ZNF385B: variants seen among roughly 807,000 people sequenced by gnomAD.
The protein encoded by ZNF385B is zinc finger protein 533.
In ZNF385B, 23 loss-of-function variants were observed where a neutral mutation model predicts 39.2. The ratio of observed to expected loss-of-function variants is 0.59; its 90% confidence interval spans 0.42 to 0.83. The LOEUF (loss-of-function observed/expected upper bound fraction) is 0.83, where lower values mean the gene tolerates loss of function less well. Among genes scored for constraint, ZNF385B ranks in the 40% least tolerant of loss-of-function variants. The pLI is 0.00. For missense variants in ZNF385B, 552 were observed against 598.9 expected (o/e 0.92, Z 0.82); for synonymous variants, 205 against 222.6 (o/e 0.92, Z 0.70).
chr2:179,467,509 G>A (rs116476704), intron 6 of ZNF385B, among the ~76,000 whole-genome samples: 3 of 152,272 alleles, frequency 2.0e-5, no homozygotes, highest in African/African-American at 4.8e-5. Flanking sequence ...GAGTAGCCAA[G>A]GACAGACATG....
chr2:179,719,440 G>C (rs146450338), intron 3 of ZNF385B, among the ~76,000 whole-genome samples: 37 of 152,198 alleles, frequency 2.4e-4, no homozygotes, highest in Non-Finnish European at 3.2e-4. Context: ...TTTGTAAGCT[G>C]ACATTTTACA....
Position 179,483,391 on chromosome 2 carries a change from T to A in ZNF385B, c.596A>T (p.Lys199Met), listed in dbSNP as rs751379288. The change falls in exon 6 of 10, where the codon AAG (lysine) becomes ATG (methionine). Residue 199 changes from lysine (K) to methionine (M), a missense_variant. Coordinates refer to ENST00000410066, the MANE Select transcript of ZNF385B (RefSeq NM_152520.6). ...TTTCGTTGCGTCTAGTGCTTTGACC[T>A]TCTTGGCATGTTTACTTCCTTTGTA... ...AHYKGSKHAK[K>M]VKALDATKNK... 4.3e-6 allele frequency: 7 copies of A among 1,614,052 alleles called. No homozygotes were observed. The South Asian group carries it at 6.6e-5, about 15-fold the overall frequency.
chr2:179,825,972 G>C (rs1358901982), intron 1 of ZNF385B, among the ~76,000 whole-genome samples: 3 of 152,056 alleles, frequency 2.0e-5, no homozygotes, highest in Non-Finnish European at 4.4e-5. Context: ...CCCTTCCTCA[G>C]CTCGGCAGCT....
chr2:179,594,521 T>C (rs552157359), intron 3 of ZNF385B, among the ~76,000 whole-genome samples: 11 of 152,336 alleles, frequency 7.2e-5, no homozygotes, highest in Admixed American at 6.5e-4. Flanking sequence ...AATGTTCTGA[T>C]TGTAAGTCAC....
chr2:179,746,507 C>T (rs115527781), intron 3 of ZNF385B, among the ~76,000 whole-genome samples: 1,736 of 152,158 alleles, frequency 0.011, 18 homozygotes, highest in Admixed American at 0.021. Context: ...TAAAAATGTG[C>T]GATGCTATGC....
At chr2:179,694,312 T>A (rs991849549) in intron 3 of ZNF385B, among the ~76,000 whole-genome samples, 1 of 151,986 alleles carries the variant, frequency 6.6e-6, no homozygotes, top group South Asian at 2.1e-4. Flanking sequence ...AGATGACACA[T>A]CTAGAATTTG....
intron 3 of ZNF385B, among the ~76,000 whole-genome samples, chr2:179,739,364 T>C (rs955903734): frequency 2.0e-5 from 3 of 152,214 alleles, no homozygotes; most frequent in African/African-American, 7.2e-5. Context: ...TTATCGATTA[T>C]AGAACAGGCT....
At chr2:179,838,894 C>A in intron 1 of ZNF385B, among the ~76,000 whole-genome samples, 1 of 142,772 alleles carries the variant, frequency 7.0e-6, no homozygotes, top group African/African-American at 2.7e-5. Flanking sequence ...TAAACTAGAG[C>A]TAAATATGAG....
chr2:179,694,954 G>A (rs1057169395), intron 3 of ZNF385B, among the ~76,000 whole-genome samples: 6 of 107,346 alleles, frequency 5.6e-5, no homozygotes, highest in Non-Finnish European at 1.1e-4. Flanking sequence ...AAAAAAGAAA[G>A]AAGAGGAGGA....
chr2:179,644,877 T>C (rs1164089360), intron 3 of ZNF385B, among the ~76,000 whole-genome samples: 8 of 102,868 alleles, frequency 7.8e-5, no homozygotes, highest in Admixed American at 2.1e-4. Flanking sequence ...TAAAACTTCC[T>C]GTCTTACAGT....
chr2:179,587,681 G>C (rs969486203), intron 3 of ZNF385B, among the ~76,000 whole-genome samples: 1 of 142,916 alleles, frequency 7.0e-6, no homozygotes, highest in Non-Finnish European at 1.6e-5. Context: ...TTCCCAAAAA[G>C]CTGAAGCTCT....
chr2:179,583,325 TC>T (rs1256295895), intron 3 of ZNF385B, among the ~76,000 whole-genome samples: 1 of 152,116 alleles, frequency 6.6e-6, no homozygotes, highest in Non-Finnish European at 1.5e-5. Context: ...AAATAAACTA[TC>T]AATTTAAGCC....
At chr2:179,851,229 C>G (rs1259970048) in intron 1 of ZNF385B, among the ~76,000 whole-genome samples, 1 of 152,206 alleles carries the variant, frequency 6.6e-6, no homozygotes, top group Non-Finnish European at 1.5e-5. Flanking sequence ...GGCAGGAGGA[C>G]TGCTTGAGGC....
chr2:179,775,011 T>C (rs955502785), intron 1 of ZNF385B, among the ~76,000 whole-genome samples: 2 of 152,208 alleles, frequency 1.3e-5, no homozygotes, highest in African/African-American at 4.8e-5. Context: ...GGCTCTGGCA[T>C]TGCTTTTTAC....
rs774872846 is a variant in ZNF385B at position 179,731,858 on chromosome 2, G to A, written c.298+37645C>T. On this transcript the variant is annotated intron_variant, in intron 3 of 9. Transcript: ENST00000410066. ...TGTTGCCAGAGCTGGGAAGACTACC[G>A]GAAATGTGCACACCAGGCCCTCTGC... is the stretch of plus-strand genomic sequence containing the variant. Among the ~76,000 whole-genome samples, 10 of 152,160 alleles carry A rather than the reference G, an allele frequency of 6.6e-5. No homozygotes were observed. The South Asian group carries it at 8.3e-4, about 13-fold the overall frequency.
chr2:179,851,243 G>T (rs2105441546), intron 1 of ZNF385B, among the ~76,000 whole-genome samples: 1 of 152,276 alleles, frequency 6.6e-6, no homozygotes, highest in South Asian at 2.1e-4. Flanking sequence ...TTGAGGCCAG[G>T]AGTTCAAGAC....
intron 1 of ZNF385B, among the ~76,000 whole-genome samples, chr2:179,826,889 A>G (rs1277729589): frequency 1.3e-5 from 2 of 152,204 alleles, no homozygotes; most frequent in Admixed American, 6.5e-5. Flanking sequence ...GTCTGTATCA[A>G]TTCAAAACTT....
rs148256733 is a variant in ZNF385B at position 179,553,672 on chromosome 2, T to C, written c.299-8703A>G. On this transcript the variant is annotated intron_variant, in intron 3 of 9. Transcript: ENST00000410066. ...AAGCCCATGTCATCATTCCCTAAAGTAGGTTATATGTAAAGCTGTTACATG... is the reference window on the plus strand; with the variant it reads ...AAGCCCATGTCATCATTCCCTAAAGCAGGTTATATGTAAAGCTGTTACATG... Among the ~76,000 whole-genome samples, 379 of 149,072 alleles carry C rather than the reference T, an allele frequency of 2.5e-3. 21 individuals carry two copies. Among genetic ancestry groups the C allele is most frequent in the Middle Eastern group, 6.9e-3 (2 of 290 alleles).
chr2:179,793,977 T>G (rs1220858754), intron 1 of ZNF385B, among the ~76,000 whole-genome samples: 3 of 152,248 alleles, frequency 2.0e-5, no homozygotes, highest in African/African-American at 7.2e-5. Flanking sequence ...ATATTTATAG[T>G]TTTGGCAATA....
Sources: gnomAD v4.1 joint callset for allele counts (sites outside exome capture counted in the v4.1 genomes callset) on GRCh38, gnomAD v4.1.1 for gene constraint, MANE v1.5 for transcripts, NCBI Gene and HGNC (gene_info 2026-07-23, HGNC 2026-07-21) for gene names.